The following NCAPG variants were observed in gnomAD, a reference collection of about 807,000 sequenced individuals.
NCAPG encodes the protein condensin complex subunit 3.
Under a neutral mutation model 113.1 loss-of-function variants are expected in NCAPG, and 69 were observed. The ratio of observed to expected loss-of-function variants is 0.61; its 90% CI spans 0.50 to 0.75. NCAPG has a LOEUF of 0.75. NCAPG is among the 30% of genes least tolerant of loss of function. The pLI, the probability that NCAPG is intolerant of heterozygous loss-of-function variation, is 0.00. For synonymous variants in NCAPG, 370 were observed against 415.8 expected (o/e 0.89, Z 1.34); for missense variants, 1,058 against 1,177.0 (o/e 0.90, Z 1.48).
intron 7 of NCAPG, 119 bp from the exon 8 acceptor site, chr4:17,822,864 T>C (rs547964807): frequency 3.0e-6 from 2 of 669,244 alleles, no homozygotes; most frequent in Non-Finnish European, 4.7e-6. Context: ...TTACATGGCA[T>C]AGATATGTAT....
chr4:17,824,691 T>G (rs912062119), intron 9 of NCAPG, among the ~76,000 whole-genome samples: 2 of 152,148 alleles, frequency 1.3e-5, no homozygotes, highest in Non-Finnish European at 2.9e-5. Flanking sequence ...AATTCATATT[T>G]CTGTTTTTCA....
Position 17,843,287 on chromosome 4 carries a change from T to G in NCAPG, c.2925-15T>G. The G allele has an allele frequency of 1.2e-6, 2 of 1,601,638 alleles. No individual in the cohort carries two copies. Among genetic ancestry groups the G allele is most frequent in the Non-Finnish European group, 1.7e-6 (2 of 1,174,628 alleles). ...AGCTTGTATCTAAATTCGTGTATTT[T>G]CAACATCTATTTAGTGATCATGAAG... On this transcript the variant is annotated splice_polypyrimidine_tract_variant and intron_variant, in intron 20 of 20. Coordinates refer to ENST00000251496, the MANE Select transcript of NCAPG (RefSeq NM_022346.5).
chr4:17,827,805 C>CT (rs757341298), intron 11 of NCAPG, among the ~76,000 whole-genome samples: 1,590 of 126,186 alleles, frequency 0.013, 28 homozygotes, highest in East Asian at 0.064. Context: ...GAAGATTAGA[C>CT]TTTTTTTTTT....
intron 11 of NCAPG, 150 bp downstream of exon 11, chr4:17,825,711 T>G (rs1486314354): frequency 1.6e-6 from 1 of 642,862 alleles, no homozygotes; most frequent in Non-Finnish European, 2.4e-6. Flanking sequence ...AGTTTTTCCC[T>G]GTTTCTATTT....
rs371436306 is a variant in NCAPG, at chr4:17,811,437, C to T, written c.111+249C>T. Among the ~76,000 whole-genome samples the T allele has an allele frequency of 1.3e-5, 2 of 152,234 alleles. No individual in the cohort carries two copies. Among genetic ancestry groups the T allele is most frequent in the African/African-American group, 4.8e-5 (2 of 41,474 alleles). ...CCGCCTTGGCTTTTCTGAGCCGACA[C>T]CCCCAGCTTCTGGGCGGCGTGGACC... On this transcript the variant is annotated intron_variant, in intron 1 of 20. Coordinates refer to ENST00000251496, the MANE Select transcript of NCAPG (RefSeq NM_022346.5). The surrounding 1 kb of genome is among the most constrained non-coding windows in gnomAD (Gnocchi z 5.3).
chr4:17,814,900 G>A lies in NCAPG; in HGVS notation c.592G>A (p.Ala198Thr). ...TGATTCAAATCCAGAAGTTAGACGG[G>A]CAGTGTTATCATGTATTGCACCATC... ...ENDSNPEVRR[A>T]VLSCIAPSAK... The change falls in exon 4 of 21, where the codon GCA becomes ACA. Residue 198 changes from alanine (A) to threonine (T), a missense_variant. Ala to Thr is a moderately conservative substitution (Grantham distance 58). Transcript: ENST00000251496. 1 of 1,614,150 alleles carries A rather than the reference G, an allele frequency of 6.2e-7. No homozygotes were observed. The highest frequency in any genetic ancestry group is 8.5e-7 in the Non-Finnish European group (1 of 1,180,010).
Position 17,818,061 on chromosome 4 carries a change from C to G in NCAPG, c.1091C>G (p.Pro364Arg). 1 of 1,612,440 alleles carries G rather than the reference C, an allele frequency of 6.2e-7. No homozygotes were observed. Among genetic ancestry groups the G allele is most frequent in the Non-Finnish European group, 8.5e-7 (1 of 1,179,422 alleles). Reference protein sequence around the residue: ...EEFLEQILPEPVVYADYLLSY... With the variant: ...EEFLEQILPERVVYADYLLSY... Reference sequence around the variant, plus strand: ...TTTTTAGAGCAGATTTTGCCAGAGCCTGTAGTATATGCAGACTATTTATTG... The same window carrying G: ...TTTTTAGAGCAGATTTTGCCAGAGCGTGTAGTATATGCAGACTATTTATTG... Residue 364 changes from proline to arginine, a missense_variant, in exon 7 of 21, where the codon CCT becomes CGT. Physicochemically the swap from Pro to Arg is moderately radical, Grantham distance 103 (BLOSUM62 -2). Coordinates refer to ENST00000251496, the MANE Select transcript of NCAPG (RefSeq NM_022346.5).
At chr4:17,841,511 C>A (rs1722400239) in intron 19 of NCAPG, 1 of 151,804 alleles carries the variant, frequency 6.6e-6, no homozygotes, top group Non-Finnish European at 1.5e-5. Context: ...TTAGTAAAAG[C>A]AGGTAAGGAG....
At chr4:17,842,561 C>T (rs1236310607) in intron 20 of NCAPG, 182 bp downstream of exon 20, 8 of 548,248 alleles carry the variant, frequency 1.5e-5, no homozygotes, top group Non-Finnish European at 2.0e-5. Context: ...CTTCTTACGG[C>T]GTGTTTGCTT....
Position 17,812,898 on chromosome 4 carries a change from T to C in NCAPG, c.316-19T>C, listed in dbSNP as rs1164942051. 1 of 1,598,744 alleles carries C rather than the reference T, an allele frequency of 6.3e-7. No homozygotes were observed. The highest frequency in any genetic ancestry group is 2.2e-5 in the East Asian group (1 of 44,742). On this transcript the variant is annotated intron_variant, in intron 2 of 20. Coordinates refer to ENST00000251496, the MANE Select transcript of NCAPG (RefSeq NM_022346.5). ...GTGGTATGTGACTATGAATAAATTT[T>C]GATTTGTTTCTGTTTTAGTCTCATG...
intron 14 of NCAPG, among the ~76,000 whole-genome samples, chr4:17,835,887 G>A (rs866694467): frequency 1.3e-5 from 2 of 152,170 alleles, no homozygotes; most frequent in South Asian, 4.1e-4. Context: ...CAGTTGGGCT[G>A]TTTCTACCTT....
chr4:17,814,329 G>A (rs1223528376), intron 3 of NCAPG, among the ~76,000 whole-genome samples: 3 of 152,050 alleles, frequency 2.0e-5, no homozygotes, highest in East Asian at 1.9e-4. Flanking sequence ...GGTGGCCTGC[G>A]CAGCAGTGAC....
In NCAPG at chr4:17,812,708, C is replaced by G. The variant is rs560764560; in HGVS notation, c.316-209C>G. Among the ~76,000 whole-genome samples, 9 of 152,230 alleles carry G rather than the reference C, an allele frequency of 5.9e-5. No homozygotes were observed. In the South Asian group the frequency reaches 1.9e-3, roughly 32 times the overall value. On this transcript the variant is annotated intron_variant, in intron 2 of 20. Coordinates refer to ENST00000251496, the MANE Select transcript of NCAPG (RefSeq NM_022346.5). ...CTACAAAGAGGACTATGTAACTTAG[C>G]AAAGACTTCTTTCAGACTGTTCATT...
chr4:17,835,354 G>A (rs946836462), intron 14 of NCAPG, among the ~76,000 whole-genome samples: 1 of 151,962 alleles, frequency 6.6e-6, no homozygotes, highest in African/African-American at 2.4e-5. Context: ...CACCATGCCC[G>A]CTGATTTTTA....
At position 17,843,248 on chromosome 4, in the gene NCAPG, TA is replaced by T; in HGVS notation, c.2925-51del. The T allele has an allele frequency of 1.9e-6, 3 of 1,558,986 alleles. No homozygotes were observed. The Admixed American group carries it at 5.8e-5, about 30-fold the overall frequency. ...GAAACAAAAAAGTTTTATTTATAAA[TA>T]AACTGGTTTTAAAGCTTGTATCTAA... On this transcript the variant is annotated intron_variant, in intron 20 of 20. Transcript: ENST00000251496.
intron 14 of NCAPG, among the ~76,000 whole-genome samples, chr4:17,836,467 T>C (rs1052186963): frequency 2.0e-5 from 3 of 152,210 alleles, no homozygotes; most frequent in Non-Finnish European, 4.4e-5. Flanking sequence ...TTTTTTTCTT[T>C]TGTTGCTTCT....
At chr4:17,839,280 GA>G (rs1354203769) in intron 16 of NCAPG, among the ~76,000 whole-genome samples, 2 of 152,172 alleles carry the variant, frequency 1.3e-5, no homozygotes, top group African/African-American at 4.8e-5. Context: ...GAGACAAGCT[GA>G]AACACTGTAC....
chr4:17,830,956 A>C (rs1209175541), intron 12 of NCAPG, 41 bp from the exon 13 acceptor site: 1 of 1,584,166 alleles, frequency 6.3e-7, no homozygotes. Flanking sequence ...GAAATGAAGT[A>C]GATCTATGAA....
chr4:17,830,390 C>T (rs536040157), intron 12 of NCAPG, among the ~76,000 whole-genome samples: 62 of 149,410 alleles, frequency 4.1e-4, no homozygotes, highest in Middle Eastern at 3.5e-3. Context: ...GAGACTCTGT[C>T]TCAAAAAAAA....
Sources: allele counts gnomAD v4.1 joint callset (sites outside exome capture counted in the v4.1 genomes callset), GRCh38; gene constraint gnomAD v4.1.1; non-coding constraint Gnocchi (gnomAD v3.1); transcripts MANE v1.5; gene names NCBI Gene and HGNC (gene_info 2026-07-23, HGNC 2026-07-21).